NHSL2: variants seen among roughly 807,000 people sequenced by gnomAD.
The protein encoded by NHSL2 is NHS like 2.
NHSL2 carries 27 observed loss-of-function variants against 53.4 expected under a neutral mutation model. The observed-to-expected ratio is 0.51, with a 90% CI of 0.37 to 0.70. The LOEUF is 0.70. Among genes scored for constraint, NHSL2 ranks in the 30% least tolerant of loss-of-function variants. The probability of loss-of-function intolerance (pLI) is 0.00; values close to 1 mark genes in which losing one functional copy is unlikely to be tolerated. For missense variants in NHSL2, 892 were observed against 980.1 expected (o/e 0.91, Z 1.20); for synonymous variants, 408 against 404.1 (o/e 1.01, Z -0.12).
chrX:72,143,637 G>GTTCT lies in NHSL2; in HGVS notation c.*63_*64insTTCT, dbSNP rs771947635. On this transcript the variant is annotated 3_prime_UTR_variant, in exon 8 of 8. Coordinates refer to ENST00000633930, the MANE Select transcript of NHSL2 (RefSeq NM_001013627.3). ...TGAGTAGAGAAGGGGGAAGAGAAAGGGTCTTTAAACAGAACCATGGGAACA... is the reference window on the plus strand; with the variant it reads ...TGAGTAGAGAAGGGGGAAGAGAAAGGTTCTGTCTTTAAACAGAACCATGGGAACA... 6.8e-3 allele frequency: 5,124 copies of GTTCT among 758,321 alleles called. 11 individuals carry two copies. Among genetic ancestry groups the GTTCT allele is most frequent in the Non-Finnish European group, 8.8e-3 (4,656 of 530,483 alleles). The allele number at this position is 758,321 out of a possible 1,213,427, so 62.5% of individuals were successfully genotyped here.
At chrX:71,996,848 G>A (rs1028087309) in intron 1 of NHSL2, among the ~76,000 whole-genome samples, 2 of 111,837 alleles carry the variant, frequency 1.8e-5, no homozygotes, top group African/African-American at 6.5e-5. Flanking sequence ...CTAAGTGGTG[G>A]AAAACAGGCC....
intron 1 of NHSL2, 92 bp downstream of exon 1, chrX:71,911,459 C>G: frequency 1.3e-6 from 1 of 760,196 alleles, no homozygotes. Context: ...ACCCTCTCCC[C>G]GCCTCTCTCC....
chrX:71,932,307 G>A (rs887500322), intron 1 of NHSL2, among the ~76,000 whole-genome samples: 2 of 109,804 alleles, frequency 1.8e-5, no homozygotes, highest in African/African-American at 3.3e-5. Flanking sequence ...ACTGCAAGGA[G>A]ACGAATTTGA....
At chrX:72,087,964 G>A (rs1301570487) in intron 1 of NHSL2, among the ~76,000 whole-genome samples, 1 of 100,525 alleles carries the variant, frequency 9.9e-6, no homozygotes, top group East Asian at 4.2e-4. Context: ...CAGCACTTTG[G>A]GAGGCCGAGG....
At chrX:72,004,392 G>T (rs2042084322) in intron 1 of NHSL2, among the ~76,000 whole-genome samples, 1 of 111,938 alleles carries the variant, frequency 8.9e-6, no homozygotes, top group South Asian at 3.7e-4. Context: ...TGCCACCTAG[G>T]GGACAGGCAG....
intron 1 of NHSL2, among the ~76,000 whole-genome samples, chrX:71,963,975 A>ATG (rs2041882069): frequency 1.1e-4 from 2 of 17,613 alleles, no homozygotes; most frequent in South Asian, 3.1e-3. Flanking sequence ...ATATATATAC[A>ATG]TATATATATA....
At chrX:72,000,160 C>T (rs1166278972) in intron 1 of NHSL2, among the ~76,000 whole-genome samples, 4 of 111,360 alleles carry the variant, frequency 3.6e-5, no homozygotes, top group Non-Finnish European at 7.5e-5. Flanking sequence ...CACCACCGGT[C>T]CTACATATGA....
chrX:71,931,424 G>A (rs191481462), intron 1 of NHSL2, among the ~76,000 whole-genome samples: 3 of 112,091 alleles, frequency 2.7e-5, no homozygotes, highest in East Asian at 2.8e-4. Flanking sequence ...GCCATCATAC[G>A]TAAGAGACCA....
At position 71,966,457 on chromosome X, in the gene NHSL2, G is replaced by T. The variant is rs181614956; in HGVS notation, c.280+55090G>T. ...TGTAGATGCTCTTTATAAAGTTGAG[G>T]ATATCCTTTCTATTTCTAGTTTGCT... On this transcript the variant is annotated intron_variant, in intron 1 of 7. Transcript: ENST00000633930. Among the ~76,000 whole-genome samples, 3 of 110,721 alleles carry T rather than the reference G, an allele frequency of 2.7e-5. No individual in the cohort carries two copies. In the Admixed American group the frequency reaches 2.9e-4, roughly 11 times the overall value.
At chrX:72,066,280 A>G (rs1442492216) in intron 1 of NHSL2, among the ~76,000 whole-genome samples, 2 of 111,789 alleles carry the variant, frequency 1.8e-5, no homozygotes, top group African/African-American at 6.5e-5. Flanking sequence ...AAGCATAAAG[A>G]TGTCTAAAAG....
chrX:72,128,580 G>T (rs771237598), intron 1 of NHSL2: 1 of 113,039 alleles, frequency 8.8e-6, no homozygotes, highest in Middle Eastern at 4.5e-3. Flanking sequence ...CTAGGAGGCA[G>T]CCACCCTCTT....
At chrX:71,948,313 A>T (rs890245761) in intron 1 of NHSL2, among the ~76,000 whole-genome samples, 5 of 111,237 alleles carry the variant, frequency 4.5e-5, no homozygotes, top group Non-Finnish European at 9.4e-5. Context: ...TCTGAGCCTC[A>T]GTTTCTTCAT....
intron 1 of NHSL2, among the ~76,000 whole-genome samples, chrX:72,085,049 T>A (rs2041825194): frequency 8.9e-6 from 1 of 112,126 alleles, no homozygotes; most frequent in Non-Finnish European, 1.9e-5. Context: ...ACTTTGTTCG[T>A]GCTTTTCTTG....
intron 1 of NHSL2, among the ~76,000 whole-genome samples, chrX:72,105,480 A>G (rs1326620105): frequency 3.6e-5 from 4 of 111,337 alleles, no homozygotes; most frequent in African/African-American, 9.8e-5. Flanking sequence ...CTTTCCCCCA[A>G]CCTCTCTCAC....
At chrX:72,112,836 C>G (rs971177084) in intron 1 of NHSL2, among the ~76,000 whole-genome samples, 1 of 110,835 alleles carries the variant, frequency 9.0e-6, no homozygotes, top group Non-Finnish European at 1.9e-5. Context: ...ATTACAGGTG[C>G]GCACCACCAC....
intron 1 of NHSL2, among the ~76,000 whole-genome samples, chrX:71,992,157 A>G (rs2042030399): frequency 8.9e-6 from 1 of 112,739 alleles, no homozygotes; most frequent in African/African-American, 3.2e-5. Context: ...GTGTGGGTGT[A>G]TGTGCCCATC....
intron 1 of NHSL2, among the ~76,000 whole-genome samples, chrX:71,916,450 G>A (rs1206293685): frequency 3.2e-4 from 36 of 111,589 alleles, no homozygotes; most frequent in Non-Finnish European, 1.9e-5. Context: ...TTCTAGCCTC[G>A]AAAAGTGGGC....
At chrX:71,940,342 T>C (rs1454412957) in intron 1 of NHSL2, among the ~76,000 whole-genome samples, 1 of 111,938 alleles carries the variant, frequency 8.9e-6, no homozygotes, top group Non-Finnish European at 1.9e-5. Context: ...TCAGACTACA[T>C]TGGGTTGAAG....
chrX:72,090,581 AT>A (rs1178920225), intron 1 of NHSL2, among the ~76,000 whole-genome samples: 1 of 111,575 alleles, frequency 9.0e-6, no homozygotes, highest in African/African-American at 3.3e-5. Flanking sequence ...TTACTATTAC[AT>A]TTTTAAAGTA....
Sources: gnomAD v4.1 joint callset for allele counts (sites outside exome capture counted in the v4.1 genomes callset) on GRCh38, gnomAD v4.1.1 for gene constraint, MANE v1.5 for transcripts, NCBI Gene and HGNC (gene_info 2026-07-23, HGNC 2026-07-21) for gene names.